C14orf132: variants seen among roughly 807,000 people sequenced by gnomAD.
The protein encoded by C14orf132 is chromosome 14 open reading frame 132.
C14orf132 carries 6 observed loss-of-function variants against 5.8 expected under a neutral mutation model. The ratio of observed to expected loss-of-function variants is 1.03; its 90% confidence interval spans 0.57 to 2.04. The LOEUF is 2.04. Among genes scored for constraint, C14orf132 ranks in the 30% most tolerant of loss-of-function variants. C14orf132 has a pLI of 0.00. For synonymous variants in C14orf132, 51 were observed against 49.8 expected, an observed-to-expected ratio of 1.02 and a Z score of -0.10; for missense variants, 125 against 115.8, an observed-to-expected ratio of 1.08 and a Z score of -0.37.
intron 1 of C14orf132, among the ~76,000 whole-genome samples, chr14:96,043,116 C>T (rs1202902320): frequency 6.6e-6 from 1 of 152,186 alleles, no homozygotes; most frequent in African/African-American, 2.4e-5. Context: ...TTCTTCTCCC[C>T]TTAAATCTGG....
intron 1 of C14orf132, among the ~76,000 whole-genome samples, chr14:96,059,128 G>A (rs866160344): frequency 6.6e-6 from 1 of 152,130 alleles, no homozygotes; most frequent in Non-Finnish European, 1.5e-5. Context: ...GCCAAGTGTG[G>A]TGTTAAAAAA....
At chr14:96,053,635 G>C (rs964141646) in intron 1 of C14orf132, among the ~76,000 whole-genome samples, 4 of 152,218 alleles carry the variant, frequency 2.6e-5, no homozygotes, top group African/African-American at 4.8e-5. Context: ...AGCAGCTGGT[G>C]GTCTTGTAGG....
intron 1 of C14orf132, among the ~76,000 whole-genome samples, chr14:96,064,243 A>G (rs1887454253): frequency 6.6e-6 from 1 of 152,116 alleles, no homozygotes; most frequent in East Asian, 1.9e-4. Context: ...AGAAGTCATT[A>G]TGTGAAAAAG....
Position 96,093,274 on chromosome 14 carries a change from G to A in C14orf132, c.*6539G>A, listed in dbSNP as rs940420014. 1.3e-5 allele frequency: 2 copies of A among 152,182 alleles called. No individual in the cohort carries two copies. The highest frequency in any genetic ancestry group is 4.8e-5 in the African/African-American group (2 of 41,428). 9.4% of individuals were successfully genotyped at this position (152,182 alleles called of 1,614,324 possible). On this transcript the variant is annotated 3_prime_UTR_variant, in exon 2 of 2. Coordinates refer to ENST00000555004, the MANE Select transcript of C14orf132 (RefSeq NM_001252507.3). Reference sequence around the variant, plus strand: ...AGCCCTACAAAGTGGATGGGAGTGTGGGGCTGAACTTTTCCCTACCCTTAA... The same window carrying A: ...AGCCCTACAAAGTGGATGGGAGTGTAGGGCTGAACTTTTCCCTACCCTTAA...
At chr14:96,047,991 C>T (rs941956838) in intron 1 of C14orf132, among the ~76,000 whole-genome samples, 5 of 152,114 alleles carry the variant, frequency 3.3e-5, no homozygotes, top group African/African-American at 1.2e-4. Context: ...AGTTTGAGAC[C>T]AGCCTGACCA....
At chr14:96,043,349 G>A (rs1261688325) in intron 1 of C14orf132, among the ~76,000 whole-genome samples, 2 of 152,164 alleles carry the variant, frequency 1.3e-5, no homozygotes, top group Non-Finnish European at 2.9e-5. Flanking sequence ...TGCATGCTAA[G>A]CCAGCACTCA....
chr14:96,069,361 T>A (rs530848099), intron 1 of C14orf132, among the ~76,000 whole-genome samples: 2 of 149,508 alleles, frequency 1.3e-5, no homozygotes, highest in African/African-American at 5.0e-5. Context: ...TGGTAGAGAC[T>A]ATTGATTTCT....
intron 1 of C14orf132, among the ~76,000 whole-genome samples, chr14:96,062,035 C>G (rs1887373575): frequency 6.6e-6 from 1 of 152,150 alleles, no homozygotes; most frequent in African/African-American, 2.4e-5. Flanking sequence ...CACCACATTC[C>G]CCCTTAACGA....
rs933558208 is a variant in C14orf132 at position 96,093,085 on chromosome 14, C to T, written c.*6350C>T. 2 of 152,246 alleles carry T rather than the reference C, an allele frequency of 1.3e-5. No homozygotes were observed. Among genetic ancestry groups the T allele is most frequent in the African/African-American group, 4.8e-5 (2 of 41,460 alleles). 9.4% of individuals were successfully genotyped at this position (152,246 alleles called of 1,614,324 possible). A position where few individuals can be genotyped will look rare whatever the true frequency, so the allele number is the denominator to read the frequency against. ...GTGAGTCATTGAGTAAATTAAAGCT[C>T]TTCTGAGCAGCAGCAGTGATCATGG... On this transcript the variant is annotated 3_prime_UTR_variant, in exon 2 of 2. Coordinates refer to ENST00000555004, the MANE Select transcript of C14orf132 (RefSeq NM_001252507.3).
chr14:96,049,483 TATGC>T (rs1886935032), intron 1 of C14orf132, among the ~76,000 whole-genome samples: 2 of 146,658 alleles, frequency 1.4e-5, no homozygotes, highest in Non-Finnish European at 3.0e-5. Context: ...TGTGTATATA[TATGC>T]ATATATATAC....
intron 1 of C14orf132, among the ~76,000 whole-genome samples, chr14:96,058,304 C>A (rs528946288): frequency 1.3e-5 from 2 of 152,182 alleles, no homozygotes; most frequent in Non-Finnish European, 2.9e-5. Flanking sequence ...TGACCTGATG[C>A]TATTTTATTC....
At chr14:96,077,900 T>A (rs1212296442) in intron 1 of C14orf132, among the ~76,000 whole-genome samples, 1 of 152,198 alleles carries the variant, frequency 6.6e-6, no homozygotes, top group Non-Finnish European at 1.5e-5. Flanking sequence ...CTCCTTTGAA[T>A]CTCTTTTGTG....
At chr14:96,064,480 G>A (rs540716295) in intron 1 of C14orf132, among the ~76,000 whole-genome samples, 1 of 150,588 alleles carries the variant, frequency 6.6e-6, no homozygotes, top group East Asian at 2.0e-4. Flanking sequence ...ATATATGATG[G>A]ACTACTAGGC....
Position 96,086,495 on chromosome 14 carries a change from C to A in C14orf132, c.28-16C>A, listed in dbSNP as rs761024004. On this transcript the variant is annotated splice_polypyrimidine_tract_variant and intron_variant, in intron 1 of 1. Coordinates refer to ENST00000555004, the MANE Select transcript of C14orf132 (RefSeq NM_001252507.3). ...CCCCCATGGCCCTGGATAATTCTCT[C>A]TCTCCTTCTTTGCAGCTGCCCATGA... is the stretch of plus-strand genomic sequence containing the variant. 1.6e-5 allele frequency: 25 copies of A among 1,535,520 alleles called. No homozygotes were observed. The highest frequency in any genetic ancestry group is 2.1e-5 in the Non-Finnish European group (24 of 1,146,484).
chr14:96,047,994 C>A (rs1271743608), intron 1 of C14orf132, among the ~76,000 whole-genome samples: 3 of 152,160 alleles, frequency 2.0e-5, no homozygotes. Flanking sequence ...TTGAGACCAG[C>A]CTGACCAACA....
chr14:96,076,241 C>T (rs1373361036), intron 1 of C14orf132, among the ~76,000 whole-genome samples: 1 of 152,084 alleles, frequency 6.6e-6, no homozygotes, highest in Non-Finnish European at 1.5e-5. Flanking sequence ...ATTGTCTGCC[C>T]TTTTGCTGTC....
intron 1 of C14orf132, among the ~76,000 whole-genome samples, chr14:96,043,524 A>G (rs1886749755): frequency 6.6e-6 from 1 of 152,144 alleles, no homozygotes; most frequent in African/African-American, 2.4e-5. Flanking sequence ...TGGTTCTCAA[A>G]TGTTGTTGCC....
intron 1 of C14orf132, among the ~76,000 whole-genome samples, chr14:96,077,344 A>G (rs1398569726): frequency 6.6e-6 from 1 of 152,136 alleles, no homozygotes; most frequent in South Asian, 2.1e-4. Flanking sequence ...CACCATTCCT[A>G]TGTTGAAACC....
Position 96,091,208 on chromosome 14 carries a change from A to G in C14orf132, c.*4473A>G. ...CAGGGTGATCCCCCTGGGATGGACC[A>G]TCTCGGGATATGAGGCCTCGGAGGC... On this transcript the variant is annotated 3_prime_UTR_variant, in exon 2 of 2. Coordinates refer to ENST00000555004, the MANE Select transcript of C14orf132 (RefSeq NM_001252507.3). 3 of 359,618 alleles carry G rather than the reference A, an allele frequency of 8.3e-6. No homozygotes were observed. The highest frequency in any genetic ancestry group is 6.3e-5 in the South Asian group (3 of 47,294). 22.3% of individuals were successfully genotyped at this position (359,618 alleles called of 1,614,324 possible). A position where few individuals can be genotyped will look rare whatever the true frequency, so the allele number is the denominator to read the frequency against.
Sources: gnomAD v4.1 joint callset for allele counts (sites outside exome capture counted in the v4.1 genomes callset) on GRCh38, gnomAD v4.1.1 for gene constraint, MANE v1.5 for transcripts, NCBI Gene and HGNC (gene_info 2026-07-23, HGNC 2026-07-21) for gene names.